ABL2: variants seen among roughly 807,000 people sequenced by gnomAD.
The protein encoded by ABL2 is ABL proto-oncogene 2, non-receptor tyrosine kinase, also known as tyrosine-protein kinase ABL2.
Under a neutral mutation model 107.7 loss-of-function variants are expected in ABL2, and 49 were observed. The observed-to-expected ratio is 0.45, with a 90% CI of 0.36 to 0.58. The LOEUF (loss-of-function observed/expected upper bound fraction) is 0.58, where lower values mean the gene tolerates loss of function less well. Among genes scored for constraint, ABL2 ranks in the 20% least tolerant of loss-of-function variants. ABL2 has a pLI of 0.00. For missense variants in ABL2, 1,245 were observed against 1,457.0 expected, an observed-to-expected ratio of 0.85 and a Z score of 2.37; for synonymous variants, 549 against 548.6, an observed-to-expected ratio of 1.00 and a Z score of -0.01.
intron 1 of ABL2, among the ~76,000 whole-genome samples, chr1:179,209,050 G>A (rs1237095689): frequency 6.6e-6 from 1 of 152,122 alleles, no homozygotes; most frequent in Non-Finnish European, 1.5e-5. Context: ...TGGGTTCAGG[G>A]CACACTAGTC....
rs771748239 is a variant in ABL2 at position 179,133,301 on chromosome 1, A to G, written c.220+11T>C. The G allele has an allele frequency of 3.7e-6, 6 of 1,613,984 alleles. No individual in the cohort carries two copies. Among genetic ancestry groups the G allele is most frequent in the South Asian group, 3.3e-5 (3 of 91,064 alleles). On this transcript the variant is annotated intron_variant, in intron 2 of 11. Coordinates refer to ENST00000502732, the MANE Select transcript of ABL2 (RefSeq NM_007314.4). ...CTTAGTTCAAATCTGCAACATCTCA[A>G]CATCTCTCACCTGGACTACTGCCTC...
chr1:179,131,051 A>G (rs1656271191), intron 3 of ABL2, among the ~76,000 whole-genome samples: 1 of 150,984 alleles, frequency 6.6e-6, no homozygotes, highest in East Asian at 2.0e-4. Flanking sequence ...AGTGATTCTC[A>G]TGCCTCAGCC....
chr1:179,135,805 G>A (rs1472993910), intron 1 of ABL2, among the ~76,000 whole-genome samples: 9 of 129,062 alleles, frequency 7.0e-5, no homozygotes, highest in Non-Finnish European at 1.2e-4. Context: ...CCGGCCAGCC[G>A]CCCCGTCCGG....
rs1572682018 is a variant in ABL2 at position 179,137,440 on chromosome 1, A to AT, written c.158-4067dup. ...TCCACACTTATAAATATATATATAT[A>AT]TTTTTGCCAGTGACACTGGTAACAC... On this transcript the variant is annotated intron_variant, in intron 1 of 11. Transcript: ENST00000502732. Among the ~76,000 whole-genome samples the AT allele has an allele frequency of 2.0e-5, 3 of 152,192 alleles. No homozygotes were observed. In the East Asian group the frequency reaches 5.8e-4, roughly 29 times the overall value.
intron 10 of ABL2, chr1:179,110,838 T>C (rs372297330): frequency 6.2e-7 from 1 of 1,614,054 alleles, no homozygotes; most frequent in East Asian, 2.2e-5. Flanking sequence ...TGGCACAATG[T>C]AGGAGAACTG....
rs1653330677 is a variant in ABL2, at chr1:179,104,254, CTG to C, written c.*3462_*3463del. ...TTATCCCTGTTTTACAGTGAGGAAA[CTG>C]AGGCTCCCAAGGTTAAATGACTTGC... On this transcript the variant is annotated 3_prime_UTR_variant, in exon 12 of 12. Transcript: ENST00000502732. 4.4e-6 allele frequency: 1 copy of C among 229,480 alleles called. No homozygotes were observed. Among genetic ancestry groups the C allele is most frequent in the South Asian group, 1.8e-4 (1 of 5,504 alleles). The allele number at this position is 229,480 out of a possible 1,614,324, so 14.2% of individuals were successfully genotyped here. A position where few individuals can be genotyped will look rare whatever the true frequency, so the allele number is the denominator to read the frequency against.
intron 7 of ABL2, 38 bp from the exon 8 acceptor site, chr1:179,117,554 T>C (rs545206677): frequency 3.1e-6 from 5 of 1,607,324 alleles, no homozygotes; most frequent in Admixed American, 3.4e-5. Flanking sequence ...TCCATTCAGA[T>C]GGTGAGGAAA....
At chr1:179,167,116 A>G (rs914035267) in intron 1 of ABL2, among the ~76,000 whole-genome samples, 1 of 152,238 alleles carries the variant, frequency 6.6e-6, no homozygotes, top group Non-Finnish European at 1.5e-5. Context: ...TTGTTTCAGC[A>G]TTATACACAA....
At position 179,217,773 on chromosome 1, in the gene ABL2, T is replaced by C. The variant is rs114389683; in HGVS notation, c.157+11468A>G. ...TCATATATATCTAAGACTCAATCCA[T>C]AGCCACATACTATACAAATCTAACC... On this transcript the variant is annotated intron_variant, in intron 1 of 11. Transcript: ENST00000502732. Among the ~76,000 whole-genome samples, 1,455 of 152,276 alleles carry C rather than the reference T, an allele frequency of 9.6e-3. 21 individuals are homozygous for C. Among genetic ancestry groups the C allele is most frequent in the African/African-American group, 0.033 (1,383 of 41,536 alleles).
intron 1 of ABL2, among the ~76,000 whole-genome samples, chr1:179,204,175 C>T (rs1471912699): frequency 2.0e-5 from 3 of 151,878 alleles, no homozygotes; most frequent in African/African-American, 2.4e-5. Context: ...TACAGGTGGG[C>T]GCCATCACGC....
chr1:179,181,174 T>C (rs1029088856), intron 1 of ABL2, among the ~76,000 whole-genome samples: 3 of 152,228 alleles, frequency 2.0e-5, no homozygotes, highest in African/African-American at 7.2e-5. Flanking sequence ...TAAACAAAAC[T>C]ATCATATTTA....
chr1:179,213,046 CA>C (rs368969682), intron 1 of ABL2, among the ~76,000 whole-genome samples: 14,548 of 81,102 alleles, frequency 0.18, 599 homozygotes, highest in Middle Eastern at 0.2. Context: ...AACTCCGTCT[CA>C]AAAAAAAAAA....
intron 9 of ABL2, among the ~76,000 whole-genome samples, chr1:179,113,956 T>A (rs545841843): frequency 2.4e-4 from 34 of 143,480 alleles, no homozygotes; most frequent in Middle Eastern, 4.0e-3. Context: ...AATAAATAAA[T>A]AAAAATACAA....
At chr1:179,151,453 A>G (rs1208139282) in intron 1 of ABL2, among the ~76,000 whole-genome samples, 2 of 152,194 alleles carry the variant, frequency 1.3e-5, no homozygotes, top group Non-Finnish European at 2.9e-5. Flanking sequence ...CATCCTCTAT[A>G]CTATATTTAA....
intron 1 of ABL2, among the ~76,000 whole-genome samples, chr1:179,225,297 T>G (rs1663128282): frequency 6.6e-6 from 1 of 152,218 alleles, no homozygotes. Context: ...ACTGATTAAC[T>G]AAATGTATTA....
intron 1 of ABL2, among the ~76,000 whole-genome samples, chr1:179,170,066 T>C (rs139530261): frequency 2.6e-5 from 4 of 152,248 alleles, no homozygotes; most frequent in East Asian, 1.9e-4. Context: ...ACATGTTTAT[T>C]TGGCTCACAG....
chr1:179,177,576 T>C (rs1214583032), intron 1 of ABL2, among the ~76,000 whole-genome samples: 1 of 152,186 alleles, frequency 6.6e-6, no homozygotes, highest in Non-Finnish European at 1.5e-5. Context: ...ATTCATTTAA[T>C]TTGATAACAA....
At chr1:179,202,122 G>A (rs778312004) in intron 1 of ABL2, among the ~76,000 whole-genome samples, 3 of 151,614 alleles carry the variant, frequency 2.0e-5, no homozygotes, top group Non-Finnish European at 4.4e-5. Context: ...AGCACACTGG[G>A]ATAAATATCA....
intron 1 of ABL2, among the ~76,000 whole-genome samples, chr1:179,189,108 ATGT>A (rs1660853149): frequency 6.6e-6 from 1 of 151,980 alleles, no homozygotes; most frequent in Non-Finnish European, 1.5e-5. Flanking sequence ...GACAATCTTC[ATGT>A]TGTTCTCGGG....
Sources: gnomAD v4.1 joint callset for allele counts (sites outside exome capture counted in the v4.1 genomes callset) on GRCh38, gnomAD v4.1.1 for gene constraint, MANE v1.5 for transcripts, NCBI Gene and HGNC (gene_info 2026-07-23, HGNC 2026-07-21) for gene names.